The following TSPAN5 variants were observed in gnomAD, a reference collection of about 807,000 sequenced individuals.
The protein encoded by TSPAN5 is tetraspanin 5, also known as tetraspanin-5.
TSPAN5 carries 10 observed loss-of-function variants against 37.1 expected under a neutral mutation model. The observed-to-expected ratio is 0.27, with a 90% CI of 0.17 to 0.46. The LOEUF is 0.46. Among genes scored for constraint, TSPAN5 ranks in the 20% least tolerant of loss-of-function variants. The probability of loss-of-function intolerance (pLI) is 1.00; values close to 1 mark genes in which losing one functional copy is unlikely to be tolerated. For synonymous variants in TSPAN5, 110 were observed against 118.9 expected, an observed-to-expected ratio of 0.93 and a Z score of 0.48; for missense variants, 195 against 326.6, an observed-to-expected ratio of 0.60 and a Z score of 3.11.
rs1752765223 is a variant in TSPAN5 at position 98,478,772 on chromosome 4, G to A, written c.489C>T (p.Asn163=). 3.1e-6 allele frequency: 5 copies of A among 1,614,010 alleles called. No individual in the cohort carries two copies. The highest frequency in any genetic ancestry group is 4.2e-6 in the Non-Finnish European group (5 of 1,180,004). ...CTGTGCAATTGAAGTAAATATTTAG[G>A]TTCCAATCATCAGCTCCAAAAGCCC... is the stretch of plus-strand genomic sequence containing the variant. ...CCGAFGADDW[N]LNIYFNCTDS... The change falls in exon 5 of 8, where the codon AAC becomes AAT. Residue 163 remains asparagine (N), a synonymous_variant. Transcript: ENST00000305798.
Position 98,609,699 on chromosome 4 carries a change from T to C in TSPAN5, c.81+48447A>G, listed in dbSNP as rs1528544. Among the ~76,000 whole-genome samples the C allele has an allele frequency of 4.7e-3, 720 of 152,256 alleles. 14 individuals carry two copies. The highest frequency in any genetic ancestry group is 0.032 in the East Asian group (168 of 5,176). ...CTTAATTACTCTCATCAGCACCACC[T>C]CTCAGTTCAGGGGTAATGTCCCAAA... On this transcript the variant is annotated intron_variant, in intron 1 of 7. Transcript: ENST00000305798.
intron 1 of TSPAN5, among the ~76,000 whole-genome samples, chr4:98,605,330 G>A (rs990144429): frequency 2.6e-5 from 4 of 152,144 alleles, no homozygotes; most frequent in African/African-American, 9.7e-5. Context: ...TCAATTGTGG[G>A]GGCACTAATC....
At chr4:98,517,337 A>G (rs1345658651) in intron 1 of TSPAN5, among the ~76,000 whole-genome samples, 1 of 152,098 alleles carries the variant, frequency 6.6e-6, no homozygotes, top group African/African-American at 2.4e-5. Context: ...TTGTTGAACT[A>G]TGGAAGCAGA....
At chr4:98,552,323 G>A (rs1754641591) in intron 1 of TSPAN5, among the ~76,000 whole-genome samples, 1 of 152,146 alleles carries the variant, frequency 6.6e-6, no homozygotes, top group Admixed American at 6.5e-5. Context: ...TTTGATGTAG[G>A]CATTTAGTGC....
chr4:98,552,238 G>A (rs909457542), intron 1 of TSPAN5, among the ~76,000 whole-genome samples: 53 of 152,142 alleles, frequency 3.5e-4, no homozygotes, highest in Non-Finnish European at 6.8e-4. Context: ...TTATTTTCTT[G>A]TAACTTTGAG....
chr4:98,474,497 G>A (rs999767471), intron 7 of TSPAN5, among the ~76,000 whole-genome samples: 7 of 151,960 alleles, frequency 4.6e-5, no homozygotes, highest in African/African-American at 7.3e-5. Flanking sequence ...ACAGGCATGC[G>A]CCATCATGCC....
intron 1 of TSPAN5, among the ~76,000 whole-genome samples, chr4:98,609,559 GA>G (rs2110232253): frequency 6.6e-6 from 1 of 152,302 alleles, no homozygotes; most frequent in South Asian, 2.1e-4. Flanking sequence ...AGCAGTGAAG[GA>G]AGCTCCCCAC....
At chr4:98,537,359 C>T (rs1250171994) in intron 1 of TSPAN5, among the ~76,000 whole-genome samples, 1 of 152,148 alleles carries the variant, frequency 6.6e-6, no homozygotes, top group African/African-American at 2.4e-5. Context: ...AACCGGGCAC[C>T]TCAGTTGGAG....
intron 1 of TSPAN5, among the ~76,000 whole-genome samples, chr4:98,514,297 T>C (rs1218450414): frequency 1.3e-5 from 2 of 152,222 alleles, no homozygotes; most frequent in Non-Finnish European, 2.9e-5. Flanking sequence ...TTATATATTT[T>C]CTGACACTTT....
chr4:98,651,521 A>G (rs1435318527), intron 1 of TSPAN5, among the ~76,000 whole-genome samples: 1 of 152,248 alleles, frequency 6.6e-6, no homozygotes, highest in Non-Finnish European at 1.5e-5. Context: ...TCCAGTTTAC[A>G]GAAAATACAT....
chr4:98,534,732 A>T (rs1204750226), intron 1 of TSPAN5, among the ~76,000 whole-genome samples: 1 of 152,214 alleles, frequency 6.6e-6, no homozygotes, highest in African/African-American at 2.4e-5. Context: ...TAGGATAGTT[A>T]GCTCTTCTTG....
Position 98,476,240 on chromosome 4 carries a change from C to T in TSPAN5, c.690G>A (p.Gln230=), listed in dbSNP as rs933029252. Residue 230 remains glutamine (Q), a synonymous_variant, in exon 7 of 8, where the codon CAG becomes CAA. Coordinates refer to ENST00000305798, the MANE Select transcript of TSPAN5 (RefSeq NM_005723.4). ...GCVPQFEKWL[Q]DNLTIVAGIF... is the part of the protein sequence containing the mutation. The stretch of plus-strand genomic sequence containing the variant: ...TACCAGCAACGATGGTTAAATTGTC[C>T]TGCAACCACTTCTCAAACTGGGGCA... 6.2e-7 allele frequency: 1 copy of T among 1,614,104 alleles called. No individual in the cohort carries two copies. Among genetic ancestry groups the T allele is most frequent in the Non-Finnish European group, 8.5e-7 (1 of 1,180,058 alleles).
At position 98,557,765 on chromosome 4, in the gene TSPAN5, C is replaced by T. The variant is rs147410708; in HGVS notation, c.82-50037G>A. 2.7e-3 allele frequency among the ~76,000 whole-genome samples: 409 copies of T among 152,264 alleles called. 3 individuals carry two copies. The highest frequency in any genetic ancestry group is 9.6e-3 in the African/African-American group (398 of 41,546). On this transcript the variant is annotated intron_variant, in intron 1 of 7. Coordinates refer to ENST00000305798, the MANE Select transcript of TSPAN5 (RefSeq NM_005723.4). ...TGACATGATCACATCAGTGATAAGT[C>T]ATGTTGACAGGATGTACCCCTGATA...
rs1009632295 is a variant in TSPAN5 at position 98,485,713 on chromosome 4, G to C, written c.279+1025C>G. ...GGAGGATGATGTGGCAGAAATGCTG[G>C]GGAAGAGAATCACACATTACATGAC... On this transcript the variant is annotated intron_variant, in intron 3 of 7. Coordinates refer to ENST00000305798, the MANE Select transcript of TSPAN5 (RefSeq NM_005723.4). 3.3e-5 allele frequency among the ~76,000 whole-genome samples: 5 copies of C among 151,394 alleles called. No homozygotes were observed. In the East Asian group the frequency reaches 9.7e-4, roughly 29 times the overall value.
chr4:98,480,205 T>C (rs1466182880), intron 4 of TSPAN5, among the ~76,000 whole-genome samples: 1 of 152,190 alleles, frequency 6.6e-6, no homozygotes, highest in East Asian at 1.9e-4. Flanking sequence ...TTGCACATTT[T>C]AAAGTATACA....
intron 1 of TSPAN5, among the ~76,000 whole-genome samples, chr4:98,647,774 T>C (rs989917891): frequency 6.6e-6 from 1 of 152,082 alleles, no homozygotes; most frequent in African/African-American, 2.4e-5. Flanking sequence ...ATCCTCTATG[T>C]ACATATGGAT....
chr4:98,503,948 C>G (rs368914100), intron 2 of TSPAN5, among the ~76,000 whole-genome samples: 10 of 152,324 alleles, frequency 6.6e-5, no homozygotes, highest in African/African-American at 2.2e-4. Flanking sequence ...CATAAATCAG[C>G]TTCCCTTGGA....
At chr4:98,620,085 G>C (rs1020168363) in intron 1 of TSPAN5, among the ~76,000 whole-genome samples, 4 of 152,184 alleles carry the variant, frequency 2.6e-5, no homozygotes, top group Admixed American at 6.5e-5. Context: ...CTCCCACTGA[G>C]AGGTGAGGTC....
At chr4:98,620,087 G>C (rs1357862092) in intron 1 of TSPAN5, among the ~76,000 whole-genome samples, 1 of 152,158 alleles carries the variant, frequency 6.6e-6, no homozygotes. Context: ...CCCACTGAGA[G>C]GTGAGGTCTA....
Sources: gnomAD v4.1 joint callset for allele counts (sites outside exome capture counted in the v4.1 genomes callset) on GRCh38, gnomAD v4.1.1 for gene constraint, MANE v1.5 for transcripts, NCBI Gene and HGNC (gene_info 2026-07-23, HGNC 2026-07-21) for gene names.